Variants in LARGE1 observed in about 807,000 individuals in gnomAD.
The protein encoded by LARGE1 is LARGE xylosyl- and glucuronyltransferase 1, also known as xylosyl- and glucuronyltransferase LARGE1.
In LARGE1, 43 loss-of-function variants were observed where a neutral mutation model predicts 87.6. The observed-to-expected ratio is 0.49, with a 90% CI of 0.38 to 0.63. LARGE1 has a LOEUF of 0.63. Among genes scored for constraint, LARGE1 ranks in the 30% least tolerant of loss-of-function variants. The pLI, the probability that LARGE1 is intolerant of heterozygous loss-of-function variation, is 0.00. For missense variants in LARGE1, 802 were observed against 1,000.2 expected (o/e 0.80, Z 2.67); for synonymous variants, 434 against 394.6 (o/e 1.10, Z -1.18).
intron 11 of LARGE1, among the ~76,000 whole-genome samples, chr22:33,194,132 A>G (rs1923943694): frequency 6.6e-6 from 1 of 152,056 alleles, no homozygotes; most frequent in Admixed American, 6.6e-5. Context: ...CATAAAGACT[A>G]AAAGAGAATT....
At chr22:33,298,455 T>G (rs1933665087) in intron 12 of LARGE1, among the ~76,000 whole-genome samples, 1 of 152,230 alleles carries the variant, frequency 6.6e-6, no homozygotes, top group Non-Finnish European at 1.5e-5. Flanking sequence ...AGCAGTATGA[T>G]TCCCACTTCA....
chr22:33,766,419 A>C (rs564295089), intron 1 of LARGE1, among the ~76,000 whole-genome samples: 2 of 152,226 alleles, frequency 1.3e-5, no homozygotes, highest in East Asian at 3.9e-4. Context: ...CAAAAAAATC[A>C]CCATGATCTG....
intron 1 of LARGE1, among the ~76,000 whole-genome samples, chr22:33,915,032 C>G (rs1430977294): frequency 8.4e-6 from 1 of 118,582 alleles, no homozygotes; most frequent in African/African-American, 3.1e-5. Flanking sequence ...CACACACACA[C>G]ACACACACAC....
At chr22:33,185,495 G>C (rs1315170446) in intron 11 of LARGE1, among the ~76,000 whole-genome samples, 1 of 152,122 alleles carries the variant, frequency 6.6e-6, no homozygotes, top group African/African-American at 2.4e-5. Flanking sequence ...TCATTATAAA[G>C]TCATAGAAAC....
intron 9 of LARGE1, 94 bp downstream of exon 9, chr22:33,381,825 C>T (rs1256286236): frequency 2.0e-6 from 3 of 1,494,202 alleles, no homozygotes; most frequent in Non-Finnish European, 2.8e-6. Context: ...TCTCTCACCA[C>T]ATTGCACATA....
chr22:33,823,135 T>G (rs575870004), intron 1 of LARGE1, among the ~76,000 whole-genome samples: 22 of 152,250 alleles, frequency 1.4e-4, no homozygotes, highest in Non-Finnish European at 8.8e-5. Flanking sequence ...CTGACAAATA[T>G]AAATGATGTA....
intron 1 of LARGE1, among the ~76,000 whole-genome samples, chr22:33,778,263 G>T (rs1279225714): frequency 6.6e-6 from 1 of 152,126 alleles, no homozygotes; most frequent in Non-Finnish European, 1.5e-5. Context: ...TTTAACCCTT[G>T]TTTCAAGATA....
chr22:33,247,214 T>C (rs940044587), intron 11 of LARGE1, among the ~76,000 whole-genome samples: 4 of 152,048 alleles, frequency 2.6e-5, no homozygotes, highest in Non-Finnish European at 5.9e-5. Flanking sequence ...AAGTGAGGCA[T>C]AAAAAGGAAA....
At chr22:33,681,164 C>T (rs916394846) in intron 2 of LARGE1, among the ~76,000 whole-genome samples, 3 of 152,132 alleles carry the variant, frequency 2.0e-5, no homozygotes, top group Admixed American at 2.0e-4. Flanking sequence ...TGTACTTGTA[C>T]ATCTTTAAGG....
the LARGE1 span, among the ~76,000 whole-genome samples, chr22:33,119,220 G>T: frequency 2.0e-5 from 3 of 152,150 alleles, no homozygotes; most frequent in Non-Finnish European, 2.9e-5. Flanking sequence ...AAAACTGCTG[G>T]GTCACCTTAG....
intron 1 of LARGE1, among the ~76,000 whole-genome samples, chr22:33,817,145 G>A (rs556295632): frequency 2.5e-4 from 38 of 152,138 alleles, no homozygotes; most frequent in Admixed American, 9.8e-4. Flanking sequence ...CTGGAGGCTC[G>A]GCAGTTTCCC....
intron 6 of LARGE1, among the ~76,000 whole-genome samples, chr22:33,453,166 C>T (rs559415069): frequency 7.9e-5 from 12 of 152,318 alleles, no homozygotes; most frequent in Non-Finnish European, 1.5e-4. Flanking sequence ...CCTGTAATCC[C>T]AGCACTTTGG....
intron 11 of LARGE1, among the ~76,000 whole-genome samples, chr22:33,223,607 G>A (rs1925566542): frequency 6.6e-6 from 1 of 152,142 alleles, no homozygotes; most frequent in African/African-American, 2.4e-5. Flanking sequence ...GGAAAAAGGT[G>A]ATACTCATAT....
chr22:33,409,303 G>A (rs1273791683), intron 7 of LARGE1, among the ~76,000 whole-genome samples: 2 of 152,166 alleles, frequency 1.3e-5, no homozygotes, highest in Non-Finnish European at 2.9e-5. Flanking sequence ...GGAGGAGGAG[G>A]AGGCTGGTCT....
chr22:33,654,925 A>G (rs2080919291), intron 2 of LARGE1, among the ~76,000 whole-genome samples: 1 of 152,218 alleles, frequency 6.6e-6, no homozygotes, highest in African/African-American at 2.4e-5. Flanking sequence ...AGCTTGGCCC[A>G]CGTGTAACTC....
At chr22:33,481,265 T>TG (rs2069314281) in intron 6 of LARGE1, among the ~76,000 whole-genome samples, 2 of 151,376 alleles carry the variant, frequency 1.3e-5, no homozygotes, top group Non-Finnish European at 2.9e-5. Context: ...ATTTTTTTTT[T>TG]TTTAAGCACT....
At chr22:33,413,929 C>T (rs1391887759) in intron 7 of LARGE1, among the ~76,000 whole-genome samples, 1 of 152,124 alleles carries the variant, frequency 6.6e-6, no homozygotes, top group Non-Finnish European at 1.5e-5. Context: ...ATTTTCTTTA[C>T]CCATTCTTCT....
chr22:33,475,423 C>A (rs1355785756), intron 6 of LARGE1, among the ~76,000 whole-genome samples: 5 of 138,756 alleles, frequency 3.6e-5, no homozygotes, highest in African/African-American at 1.3e-4. Flanking sequence ...ATCAGTGAGT[C>A]ATATTTATTT....
chr22:33,388,978 A>G (rs1351833158), intron 7 of LARGE1, among the ~76,000 whole-genome samples: 3 of 152,314 alleles, frequency 2.0e-5, no homozygotes, highest in East Asian at 1.9e-4. Flanking sequence ...CACGTACATC[A>G]TTAGGATTCA....
Sources: gnomAD v4.1 joint callset for allele counts (sites outside exome capture counted in the v4.1 genomes callset) on GRCh38, gnomAD v4.1.1 for gene constraint, MANE v1.5 for transcripts, NCBI Gene and HGNC (gene_info 2026-07-23, HGNC 2026-07-21) for gene names.